The following UTP4 variants were observed in gnomAD, a reference collection of about 807,000 sequenced individuals.
UTP4 encodes the protein U3 small nucleolar RNA-associated protein 4 homolog.
A neutral mutation model predicts 82.4 loss-of-function variants in UTP4; 45 were observed. The observed-to-expected ratio is 0.55, with a 90% CI of 0.43 to 0.70. The LOEUF (loss-of-function observed/expected upper bound fraction) is 0.70, where lower values mean the gene tolerates loss of function less well. UTP4 is among the 30% of genes least tolerant of loss of function. UTP4 has a pLI of 0.00. For synonymous variants in UTP4, 348 were observed against 300.3 expected (o/e 1.16, Z -1.64); for missense variants, 819 against 858.3 (o/e 0.95, Z 0.57).
At chr16:69,140,634 A>G (rs924272810) in intron 5 of UTP4, among the ~76,000 whole-genome samples, 1 of 151,930 alleles carries the variant, frequency 6.6e-6, no homozygotes, top group Non-Finnish European at 1.5e-5. Flanking sequence ...GAATCGCCCC[A>G]TTGCACTCCA....
At position 69,139,888 on chromosome 16, in the gene UTP4, A is replaced by T. The variant is rs762461572; in HGVS notation, c.500A>T (p.Tyr167Phe). Residue 167 changes from tyrosine to phenylalanine, a missense_variant, in exon 5 of 17, where the codon TAC (tyrosine) becomes TTC (phenylalanine). Transcript: ENST00000314423. ...GTHIAAGSIDYISVFDVKSGS... is the reference protein window; with the variant it reads ...GTHIAAGSIDFISVFDVKSGS... ...CACATTGCAGCTGGTTCCATAGACT[A>T]CATTAGTGTGTTTGATGTCAAATCA... 6.2e-7 allele frequency: 1 copy of T among 1,613,474 alleles called. No individual in the cohort carries two copies. Among genetic ancestry groups the T allele is most frequent in the South Asian group, 1.1e-5 (1 of 91,072 alleles).
intron 6 of UTP4, among the ~76,000 whole-genome samples, chr16:69,148,245 G>C (rs1488343330): frequency 6.6e-6 from 1 of 151,850 alleles, no homozygotes; most frequent in South Asian, 2.1e-4. Context: ...ACAGGCGTGA[G>C]CCACCGTGCC....
intron 5 of UTP4, 32 bp downstream of exon 5, chr16:69,139,946 G>C: frequency 6.7e-7 from 1 of 1,496,790 alleles, no homozygotes; most frequent in Non-Finnish European, 9.3e-7. Context: ...TTTGGGGTGT[G>C]GGTTTTGTCA....
intron 15 of UTP4, chr16:69,166,295 T>C (rs1321773499): frequency 6.4e-6 from 1 of 155,742 alleles, no homozygotes; most frequent in Non-Finnish European, 1.4e-5. Flanking sequence ...AGCAGATGGC[T>C]CTAAAGGAGG....
chr16:69,139,791 T>C, intron 4 of UTP4, 34 bp from the exon 5 acceptor site: 1 of 1,403,506 alleles, frequency 7.1e-7, no homozygotes, highest in Non-Finnish European at 1.0e-6. Context: ...TTTATGTGTA[T>C]GTCACTTTCT....
Position 69,136,822 on chromosome 16 carries a change from G to A in UTP4, c.286G>A (p.Ala96Thr). The change falls in exon 3 of 17, where the codon GCT becomes ACT. Residue 96 changes from alanine to threonine, a missense_variant. Coordinates refer to ENST00000314423, the MANE Select transcript of UTP4 (RefSeq NM_032830.3). ...TTTACAGGCGTTAAACATCAAGTATGCTATGGATGCCTTTGGAGGACCTAT... is the reference window on the plus strand; with the variant it reads ...TTTACAGGCGTTAAACATCAAGTATACTATGGATGCCTTTGGAGGACCTAT... ...YDLQALNIKY[A>T]MDAFGGPIWS... The A allele has an allele frequency of 6.2e-7, 1 of 1,614,156 alleles. No individual in the cohort carries two copies. The highest frequency in any genetic ancestry group is 1.6e-4 in the Middle Eastern group (1 of 6,062).
At chr16:69,154,260 C>T in intron 9 of UTP4, 133 bp from the exon 10 acceptor site, 1 of 708,524 alleles carries the variant, frequency 1.4e-6, no homozygotes, top group Non-Finnish European at 2.5e-6. Flanking sequence ...TGTGAGCTTA[C>T]TCAGTGAGCT....
At chr16:69,145,585 A>AT (rs1197146242) in intron 6 of UTP4, among the ~76,000 whole-genome samples, 5 of 151,028 alleles carry the variant, frequency 3.3e-5, no homozygotes, top group Admixed American at 3.3e-4. Flanking sequence ...TTTTTTGTAA[A>AT]TTAAGTAAAC....
chr16:69,144,224 C>T (rs1488772536), intron 6 of UTP4, among the ~76,000 whole-genome samples: 5 of 143,150 alleles, frequency 3.5e-5, no homozygotes, highest in African/African-American at 1.0e-4. Context: ...TTTTTTGAGA[C>T]GGAGTCTAGC....
chr16:69,153,745 G>C, intron 9 of UTP4, 65 bp downstream of exon 9: 1 of 1,112,764 alleles, frequency 9.0e-7, no homozygotes, highest in Non-Finnish European at 1.4e-6. Context: ...TCAGAATTGC[G>C]GTTGGAATTC....
At chr16:69,140,315 A>G (rs1483308449) in intron 5 of UTP4, among the ~76,000 whole-genome samples, 1 of 152,242 alleles carries the variant, frequency 6.6e-6, no homozygotes, top group Non-Finnish European at 1.5e-5. Flanking sequence ...GAACCATGAT[A>G]TTTTCTGTTC....
rs116469888 is a variant in UTP4, at chr16:69,153,715, C to G, written c.1099+35C>G. The G allele has an allele frequency of 7.5e-4, 1,044 of 1,399,470 alleles. 3 individuals are homozygous for G. In the African/African-American group the frequency reaches 1.0e-2, roughly 13 times the overall value. 86.7% of individuals were successfully genotyped at this position (1,399,470 alleles called of 1,614,324 possible). On this transcript the variant is annotated intron_variant, in intron 9 of 16. Transcript: ENST00000314423. Reference sequence around the variant, plus strand: ...GAGCACGTTTTTTTCAATAAGAAAACTGGAGAGAGAAGCCAGAAATCAGAA... The same window carrying G: ...GAGCACGTTTTTTTCAATAAGAAAAGTGGAGAGAGAAGCCAGAAATCAGAA...
In UTP4 at chr16:69,132,809, C is replaced by A. The variant is rs563025349; in HGVS notation, c.-3+120C>A. ...TCCCGAGGGTCTCCTTGTCCCGAGG[C>A]GGGGTGGGGGCTACTCTGTAGACTC... On this transcript the variant is annotated intron_variant, in intron 1 of 16. Transcript: ENST00000314423. 5.8e-4 allele frequency: 124 copies of A among 213,564 alleles called. 2 individuals carry two copies. The highest frequency in any genetic ancestry group is 5.4e-3 in the South Asian group (123 of 22,676). 13.2% of individuals were successfully genotyped at this position (213,564 alleles called of 1,614,324 possible).
chr16:69,150,650 G>C lies in UTP4; in HGVS notation c.852G>C (p.Gln284His), dbSNP rs560745402. Residue 284 changes from glutamine to histidine, a missense_variant, in exon 7 of 17, where the codon CAG becomes CAC. By Grantham distance (24) the Gln-to-His change is conservative. Coordinates refer to ENST00000314423, the MANE Select transcript of UTP4 (RefSeq NM_032830.3). ...AGTGGGTGCGGACAAAACCGTTCCA[G>C]CATCACACTCATGACGTGCGCACTG... Reference protein sequence around the residue: ...EKQWVRTKPFQHHTHDVRTVA... With the variant: ...EKQWVRTKPFHHHTHDVRTVA... The C allele has an allele frequency of 1.2e-6, 2 of 1,614,222 alleles. No individual in the cohort carries two copies. The highest frequency in any genetic ancestry group is 8.5e-7 in the Non-Finnish European group (1 of 1,180,048).
intron 6 of UTP4, among the ~76,000 whole-genome samples, chr16:69,143,921 C>T (rs984024880): frequency 3.3e-5 from 5 of 151,598 alleles, no homozygotes; most frequent in Non-Finnish European, 1.5e-5. Context: ...GAGTTTCATT[C>T]TTGTCGCCCA....
At position 69,152,464 on chromosome 16, in the gene UTP4, C is replaced by CTTTTTTT. The variant is rs58914042; in HGVS notation, c.1003-1104_1003-1098dup. The stretch of plus-strand genomic sequence containing the variant: ...CCAGGCTCAGCTAATTTCTGTTTTT[C>CTTTTTTT]TTTTTTTTTTTTTTTTTTTTTTGAG... On this transcript the variant is annotated intron_variant, in intron 8 of 16. Transcript: ENST00000314423. 2.8e-4 allele frequency among the ~76,000 whole-genome samples: 30 copies of CTTTTTTT among 107,132 alleles called. 1 individual carries two copies. The highest frequency in any genetic ancestry group is 6.5e-4 in the African/African-American group (19 of 29,104). 70.3% of individuals were successfully genotyped at this position (107,132 alleles called of 152,430 possible).
At chr16:69,154,573 A>C (rs879066538) in intron 10 of UTP4, 116 bp downstream of exon 10, 7 of 819,296 alleles carry the variant, frequency 8.5e-6, no homozygotes, top group Non-Finnish European at 1.5e-5. Flanking sequence ...TTCTAAAACT[A>C]TTTGAATGAA....
At chr16:69,161,172 T>TA (rs1375665593) in intron 13 of UTP4, among the ~76,000 whole-genome samples, 1 of 152,194 alleles carries the variant, frequency 6.6e-6, no homozygotes, top group Non-Finnish European at 1.5e-5. Context: ...AAGGTAAACA[T>TA]AATCAAAACT....
intron 14 of UTP4, among the ~76,000 whole-genome samples, chr16:69,164,741 TA>T (rs1269066125): frequency 6.6e-6 from 1 of 151,680 alleles, no homozygotes; most frequent in Admixed American, 6.6e-5. Context: ...GCAGAGTGGA[TA>T]AGTAAATCAT....
Sources: gnomAD v4.1 joint callset for allele counts (sites outside exome capture counted in the v4.1 genomes callset) on GRCh38, gnomAD v4.1.1 for gene constraint, MANE v1.5 for transcripts, NCBI Gene and HGNC (gene_info 2026-07-23, HGNC 2026-07-21) for gene names.